Variants in CFAP47 observed in about 807,000 individuals in gnomAD.
CFAP47 encodes cilia and flagella associated protein 47.
CFAP47 carries 29 observed loss-of-function variants against 148.1 expected under a neutral mutation model. The ratio of observed to expected loss-of-function variants is 0.20; its 90% CI spans 0.15 to 0.27. The LOEUF is 0.27. Ranked by LOEUF, CFAP47 falls within the 10% of genes least tolerant of loss-of-function variation. The pLI is 1.00. For missense variants in CFAP47, 1,872 were observed against 1,697.5 expected (o/e 1.10, Z -1.81); for synonymous variants, 664 against 577.3 (o/e 1.15, Z -2.15).
intron 48 of CFAP47, among the ~76,000 whole-genome samples, chrX:36,250,008 G>A (rs1342037829): frequency 1.8e-5 from 2 of 111,110 alleles, no homozygotes; most frequent in African/African-American, 6.5e-5. Context: ...ACATTATGAA[G>A]TTTCTTCCAA....
intron 57 of CFAP47, among the ~76,000 whole-genome samples, chrX:36,341,037 CTTTTT>C (rs11450233): frequency 1.1e-5 from 1 of 89,623 alleles, no homozygotes. Context: ...CTTTTCTTTT[CTTTTT>C]TTTTTTTTTT....
At position 36,229,584 on chromosome X, in the gene CFAP47, T is replaced by C. The variant is rs182674520; in HGVS notation, c.7014+760T>C. 8.8e-3 allele frequency among the ~76,000 whole-genome samples: 979 copies of C among 111,311 alleles called. 12 individuals are homozygous for C. The highest frequency in any genetic ancestry group is 0.03 in the African/African-American group (913 of 30,695). ...ATGTAGTCATCATTATGCCTTATGTTTACATTTTTGATATTTATTCTTTTT... is the reference window on the plus strand; with the variant it reads ...ATGTAGTCATCATTATGCCTTATGTCTACATTTTTGATATTTATTCTTTTT... On this transcript the variant is annotated intron_variant, in intron 46 of 63. Transcript: ENST00000378653.
chrX:36,262,024 A>G (rs1281492248), intron 49 of CFAP47, among the ~76,000 whole-genome samples: 2 of 112,282 alleles, frequency 1.8e-5, no homozygotes, highest in East Asian at 5.7e-4. Flanking sequence ...CCTGTAGTAT[A>G]GTTTCAAGTC....
chrX:36,254,027 G>A (rs6527545), intron 49 of CFAP47, among the ~76,000 whole-genome samples: 15,305 of 111,550 alleles, frequency 0.14, 794 homozygotes, highest in East Asian at 0.26. Context: ...TGAATATCAC[G>A]TAGCTCCTTC....
rs200423976 is a variant in CFAP47, at chrX:36,085,640, A to AACAC, written c.4916+126_4916+129dup. On this transcript the variant is annotated intron_variant, in intron 30 of 63. Coordinates refer to ENST00000378653, the MANE Select transcript of CFAP47 (RefSeq NM_001304548.2). Reference sequence around the variant, plus strand: ...TTGATATTATTTTCCTTTCTAACCAAACACACACACACACACACACACACA... The same window carrying AACAC: ...TTGATATTATTTTCCTTTCTAACCAAACACACACACACACACACACACACACACA... The AACAC allele has an allele frequency of 1.8e-3, 580 of 329,204 alleles. 2 individuals carry two copies. Among genetic ancestry groups the AACAC allele is most frequent in the African/African-American group, 3.7e-3 (124 of 33,198 alleles). 27.1% of individuals were successfully genotyped at this position (329,204 alleles called of 1,213,427 possible). A position where few individuals can be genotyped will look rare whatever the true frequency, so the allele number is the denominator to read the frequency against.
intron 51 of CFAP47, among the ~76,000 whole-genome samples, chrX:36,290,008 C>T (rs1470609460): frequency 1.8e-5 from 2 of 110,367 alleles, no homozygotes; most frequent in African/African-American, 3.3e-5. Flanking sequence ...TCTCAGTCTC[C>T]CCCAGTCGTC....
chrX:36,168,456 A>G (rs1015968515), intron 39 of CFAP47, among the ~76,000 whole-genome samples: 2 of 112,458 alleles, frequency 1.8e-5, no homozygotes, highest in African/African-American at 6.5e-5. Context: ...TGTATCTGCA[A>G]TGTATCTCTT....
chrX:36,188,540 A>G, intron 40 of CFAP47, 80 bp from the exon 41 acceptor site: 1 of 293,549 alleles, frequency 3.4e-6, no homozygotes, highest in Non-Finnish European at 6.0e-6. Flanking sequence ...TCAAGGCTCT[A>G]TATGATTTAA....
At chrX:36,272,286 A>C (rs1556001989) in intron 49 of CFAP47, among the ~76,000 whole-genome samples, 1 of 112,270 alleles carries the variant, frequency 8.9e-6, no homozygotes, top group Non-Finnish European at 1.9e-5. Flanking sequence ...TGCGCCAGTT[A>C]AAGCAAAATA....
rs1393151288 is a variant in CFAP47 at position 35,956,133 on chromosome X, T to A, written c.1347T>A (p.Phe449Leu). 8.3e-7 allele frequency: 1 copy of A among 1,209,834 alleles called. No individual in the cohort carries two copies. The highest frequency in any genetic ancestry group is 1.8e-5 in the South Asian group (1 of 56,815). Reference sequence around the variant, plus strand: ...AATTACTTCCTGTGACGTACCACTTTAAAAAAACTGCAAATTTTGAAATTG... The same window carrying A: ...AATTACTTCCTGTGACGTACCACTTAAAAAAAACTGCAAATTTTGAAATTG... The part of the protein sequence containing the change: ...QCELLPVTYH[F>L]KKTANFEIDP... The change falls in exon 8 of 64, where the codon TTT becomes TTA. Residue 449 changes from phenylalanine (F) to leucine (L), a missense_variant. Physicochemically the swap from Phe to Leu is conservative, Grantham distance 22. Transcript: ENST00000378653.
chrX:35,924,012 T>A (rs1012459884), intron 1 of CFAP47, among the ~76,000 whole-genome samples: 1 of 83,398 alleles, frequency 1.2e-5, no homozygotes, highest in Non-Finnish European at 2.3e-5. Flanking sequence ...TATGTGTAAA[T>A]ATATATGCAC....
intron 45 of CFAP47, among the ~76,000 whole-genome samples, chrX:36,220,347 C>A (rs2146895090): frequency 9.1e-6 from 1 of 110,465 alleles, no homozygotes; most frequent in Non-Finnish European, 1.9e-5. Context: ...ATACTTCTGG[C>A]CCCAGGCATT....
At chrX:36,144,299 C>G (rs1486685275) in intron 35 of CFAP47, among the ~76,000 whole-genome samples, 2 of 111,343 alleles carry the variant, frequency 1.8e-5, no homozygotes, top group African/African-American at 6.5e-5. Context: ...GTTACTAGAT[C>G]AGTGTTCTAC....
At chrX:35,924,234 G>A (rs758954270) in intron 1 of CFAP47, among the ~76,000 whole-genome samples, 1 of 89,204 alleles carries the variant, frequency 1.1e-5, no homozygotes, top group Admixed American at 1.2e-4. Context: ...TGTATATATG[G>A]ACATGTATGT....
chrX:36,383,466 T>C (rs1422285944), intron 63 of CFAP47, among the ~76,000 whole-genome samples: 2 of 111,637 alleles, frequency 1.8e-5, no homozygotes, highest in Non-Finnish European at 3.8e-5. Context: ...ACCCATCAAG[T>C]GGGTCAATGT....
At chrX:36,292,285 A>C (rs1010799630) in intron 51 of CFAP47, among the ~76,000 whole-genome samples, 1 of 111,659 alleles carries the variant, frequency 9.0e-6, no homozygotes, top group African/African-American at 3.3e-5. Flanking sequence ...GTTTCTAAAT[A>C]TAGCTGTCTA....
At chrX:36,109,308 C>G (rs1394812937) in intron 33 of CFAP47, among the ~76,000 whole-genome samples, 1 of 110,722 alleles carries the variant, frequency 9.0e-6, no homozygotes, top group African/African-American at 3.3e-5. Flanking sequence ...GGGTATATAC[C>G]CAATAATGAG....
In CFAP47 at chrX:35,967,746, T is replaced by G. The variant is rs1359774701; in HGVS notation, c.1728T>G (p.Cys576Trp). ...CACGCACTCACAATCATCGCTCATGTGAAGAGCCAGTGAAGGATATGCTAT... is the reference window on the plus strand; with the variant it reads ...CACGCACTCACAATCATCGCTCATGGGAAGAGCCAGTGAAGGATATGCTAT... ...AMTRTHNHRSCEEPVKDMLLA... is the reference protein window; with the variant it reads ...AMTRTHNHRSWEEPVKDMLLA... Residue 576 changes from cysteine (C) to tryptophan (W), a missense_variant, in exon 10 of 64, where the codon TGT becomes TGG. Cys to Trp is a radical substitution (Grantham distance 215). Coordinates refer to ENST00000378653, the MANE Select transcript of CFAP47 (RefSeq NM_001304548.2). 9.9e-6 allele frequency: 12 copies of G among 1,206,528 alleles called. No homozygotes were observed. Among genetic ancestry groups the G allele is most frequent in the Non-Finnish European group, 1.3e-5 (12 of 893,163 alleles).
chrX:36,086,348 G>A (rs778276274), intron 30 of CFAP47, among the ~76,000 whole-genome samples: 1 of 111,815 alleles, frequency 8.9e-6, no homozygotes, highest in South Asian at 3.7e-4. Flanking sequence ...AGTTGAACAT[G>A]TTATTACTCC....
Sources: gnomAD v4.1 joint callset for allele counts (sites outside exome capture counted in the v4.1 genomes callset) on GRCh38, gnomAD v4.1.1 for gene constraint, MANE v1.5 for transcripts, NCBI Gene and HGNC (gene_info 2026-07-23, HGNC 2026-07-21) for gene names.